Variants in MME observed in about 807,000 individuals in gnomAD.
The protein encoded by MME is neprilysin.
Under a neutral mutation model 113.2 loss-of-function variants are expected in MME, and 98 were observed. The ratio of observed to expected loss-of-function variants is 0.87; its 90% CI spans 0.74 to 1.02. The LOEUF is 1.02. Ranked by LOEUF, MME falls within the 50% of genes least tolerant of loss-of-function variation. The probability of loss-of-function intolerance (pLI) is 0.00; values close to 1 mark genes in which losing one functional copy is unlikely to be tolerated. For missense variants in MME, 836 were observed against 896.0 expected (o/e 0.93, Z 0.86); for synonymous variants, 292 against 300.6 (o/e 0.97, Z 0.30).
intron 17 of MME, among the ~76,000 whole-genome samples, chr3:155,165,764 C>T (rs74872209): frequency 0.021 from 3,265 of 152,252 alleles, 72 homozygotes; most frequent in East Asian, 0.12. Flanking sequence ...CTACCTCACC[C>T]AGCCTCTGCC....
intron 3 of MME, among the ~76,000 whole-genome samples, chr3:155,092,578 A>G (rs1045208069): frequency 6.6e-6 from 1 of 152,244 alleles, no homozygotes; most frequent in Admixed American, 6.5e-5. Flanking sequence ...TAAATAATTT[A>G]TAAAAGCCAA....
At chr3:155,130,835 T>C (rs1720091088) in intron 8 of MME, among the ~76,000 whole-genome samples, 1 of 149,096 alleles carries the variant, frequency 6.7e-6, no homozygotes, top group Admixed American at 6.7e-5. Flanking sequence ...AGAAACTTAA[T>C]ATATTTACAA....
At chr3:155,068,811 T>C (rs1576681355) in intron 1 of MME, among the ~76,000 whole-genome samples, 3 of 152,222 alleles carry the variant, frequency 2.0e-5, no homozygotes, top group Admixed American at 2.0e-4. Context: ...ATAGTGTCTT[T>C]CTAAGGATAA....
intron 22 of MME, among the ~76,000 whole-genome samples, chr3:155,178,143 G>A (rs1712740842): frequency 6.6e-6 from 1 of 152,010 alleles, no homozygotes; most frequent in African/African-American, 2.4e-5. Context: ...CTGACAAGTG[G>A]ACTAATATAT....
chr3:155,146,530 G>GTT (rs1721533291), intron 14 of MME, among the ~76,000 whole-genome samples: 1 of 126,788 alleles, frequency 7.9e-6, no homozygotes, highest in East Asian at 2.3e-4. Flanking sequence ...TGTCTCAAAA[G>GTT]AAAAAAAAAA....
chr3:155,080,745 C>T (rs1301314823), intron 1 of MME, among the ~76,000 whole-genome samples: 1 of 152,162 alleles, frequency 6.6e-6, no homozygotes, highest in African/African-American at 2.4e-5. Context: ...CCCTCTTTAG[C>T]TTCTCGATCA....
intron 3 of MME, among the ~76,000 whole-genome samples, chr3:155,092,663 C>T (rs1184507089): frequency 6.6e-6 from 1 of 152,108 alleles, no homozygotes; most frequent in Non-Finnish European, 1.5e-5. Flanking sequence ...TACGATACCA[C>T]ACAGCAATAA....
chr3:155,072,167 CAAAAAAAAAAAAA>C (rs71155031), intron 1 of MME, among the ~76,000 whole-genome samples: 2 of 65,074 alleles, frequency 3.1e-5, no homozygotes, highest in African/African-American at 7.1e-5. Context: ...GACTCCGTCT[CAAAAAAAAAAAAA>C]AAAAAAAAAA....
chr3:155,046,083 T>G (rs1247778737), intron 1 of MME, among the ~76,000 whole-genome samples: 1 of 152,208 alleles, frequency 6.6e-6, no homozygotes, highest in Admixed American at 6.5e-5. Flanking sequence ...CCTCTATCTC[T>G]TGCACCAACT....
chr3:155,165,993 G>C (rs1045702848), intron 17 of MME, among the ~76,000 whole-genome samples: 3 of 152,174 alleles, frequency 2.0e-5, no homozygotes, highest in African/African-American at 7.2e-5. Context: ...AGATGTCAGA[G>C]TAGACATACT....
At chr3:155,096,662 G>A (rs1192714204) in intron 3 of MME, among the ~76,000 whole-genome samples, 1 of 152,208 alleles carries the variant, frequency 6.6e-6, no homozygotes, top group Non-Finnish European at 1.5e-5. Flanking sequence ...ATTTGGATGA[G>A]TATTATGGTT....
chr3:155,147,186 G>C lies in MME; in HGVS notation c.1459G>C (p.Val487Leu). Residue 487 changes from valine (V) to leucine (L), a missense_variant, in exon 15 of 23, where the codon GTT becomes CTT. By Grantham distance (32) the Val-to-Leu change is conservative. Coordinates refer to ENST00000360490, the MANE Select transcript of MME (RefSeq NM_007289.4). The stretch of plus-strand genomic sequence containing the variant: ...AAGGATCGGCTATCCTGATGACATT[G>C]TTTCAAATGATAACAAACTGAATAA... ...KERIGYPDDI[V>L]SNDNKLNNEY... 1 of 1,609,070 alleles carries C rather than the reference G, an allele frequency of 6.2e-7. No homozygotes were observed.
intron 3 of MME, among the ~76,000 whole-genome samples, chr3:155,092,826 T>C (rs370513408): frequency 6.6e-6 from 1 of 152,074 alleles, no homozygotes; most frequent in East Asian, 1.9e-4. Flanking sequence ...AAGACAAATA[T>C]TGGTTGCCTG....
chr3:155,140,329 G>C, intron 10 of MME, 37 bp downstream of exon 10: 2 of 1,304,862 alleles, frequency 1.5e-6, no homozygotes, highest in South Asian at 2.4e-5. Context: ...TTATTGTGCC[G>C]TTTTCTAAAT....
chr3:155,132,389 A>G (rs960083806), intron 8 of MME, among the ~76,000 whole-genome samples: 6 of 152,194 alleles, frequency 3.9e-5, no homozygotes, highest in African/African-American at 1.2e-4. Flanking sequence ...GTAACTATCC[A>G]TGGTGTTGGG....
chr3:155,028,041 CT>C (rs1445588045), intron 1 of MME, among the ~76,000 whole-genome samples: 1 of 152,052 alleles, frequency 6.6e-6, no homozygotes, highest in African/African-American at 2.4e-5. Context: ...AGAATTCTGC[CT>C]TCTTTTTAAA....
chr3:155,075,399 G>C (rs1305393007), upstream of MME, among the ~76,000 whole-genome samples: 1 of 151,976 alleles, frequency 6.6e-6, no homozygotes, highest in Non-Finnish European at 1.5e-5. Flanking sequence ...TCTAACTGGA[G>C]AATTTGGTCC....
intron 20 of MME, among the ~76,000 whole-genome samples, chr3:155,171,121 C>G (rs550677755): frequency 6.6e-6 from 1 of 152,276 alleles, no homozygotes; most frequent in East Asian, 1.9e-4. Flanking sequence ...ATTGATAGTA[C>G]TCCCATGGAG....
chr3:155,173,179 A>T (rs1235455334), intron 22 of MME, among the ~76,000 whole-genome samples: 2 of 151,958 alleles, frequency 1.3e-5, no homozygotes, highest in Non-Finnish European at 2.9e-5. Flanking sequence ...GAGAACAATG[A>T]TTGAAGAGAG....
Sources: gnomAD v4.1 joint callset for allele counts (sites outside exome capture counted in the v4.1 genomes callset) on GRCh38, gnomAD v4.1.1 for gene constraint, MANE v1.5 for transcripts, NCBI Gene and HGNC (gene_info 2026-07-23, HGNC 2026-07-21) for gene names.